Variants in PCDHGA7 observed in about 807,000 individuals in gnomAD.
PCDHGA7 encodes protocadherin gamma-A7.
PCDHGA7 carries 44 observed loss-of-function variants against 58.3 expected under a neutral mutation model. That is an observed-to-expected ratio of 0.75 (90% CI 0.59 to 0.97). The LOEUF is 0.97. Ranked by LOEUF, PCDHGA7 falls within the 50% of genes least tolerant of loss-of-function variation. The probability of loss-of-function intolerance (pLI) is 0.00; values close to 1 mark genes in which losing one functional copy is unlikely to be tolerated. For missense variants in PCDHGA7, 1,266 were observed against 1,188.7 expected (o/e 1.06, Z -0.96); for synonymous variants, 516 against 504.2 (o/e 1.02, Z -0.31).
At chr5:141,422,020 G>A (rs374562798) in intron 1 of PCDHGA7, 2 of 1,610,932 alleles carry the variant, frequency 1.2e-6, no homozygotes, top group Non-Finnish European at 1.7e-6. Flanking sequence ...GGTGCTGATG[G>A]TTAATGCAAC....
At position 141,397,489 on chromosome 5, in the gene PCDHGA7, A is replaced by G. The variant is rs568778994; in HGVS notation, c.2424+12166A>G. 3.3e-5 allele frequency among the ~76,000 whole-genome samples: 5 copies of G among 152,372 alleles called. No homozygotes were observed. In the East Asian group the frequency reaches 9.6e-4, roughly 29 times the overall value. ...GGAGTTGGAAATCATAGAAATGAAC[A>G]GAAGAATGATAAAATTGTTTCCATA... On this transcript the variant is annotated intron_variant, in intron 1 of 3. Coordinates refer to ENST00000518325, the MANE Select transcript of PCDHGA7 (RefSeq NM_018920.4).
chr5:141,474,412 C>T (rs1282336092), intron 1 of PCDHGA7, among the ~76,000 whole-genome samples: 2 of 152,220 alleles, frequency 1.3e-5, no homozygotes, highest in African/African-American at 2.4e-5. Context: ...CCGGTGATGC[C>T]TAGACCATTG....
At chr5:141,416,929 C>T (rs1184470714) in intron 1 of PCDHGA7, 1 of 151,960 alleles carries the variant, frequency 6.6e-6, no homozygotes. Flanking sequence ...TAGTTATTAA[C>T]TATTAAACCA....
rs909444391 is a variant in PCDHGA7 at position 141,450,834 on chromosome 5, T to A, written c.2425-43973T>A. On this transcript the variant is annotated intron_variant, in intron 1 of 3. Transcript: ENST00000518325. ...TATTTAATATTATTATTATTATTTT[T>A]TTTTTTTTGAGATGGGGTCTTGCTC... is the stretch of plus-strand genomic sequence containing the variant. 1.2e-3 allele frequency among the ~76,000 whole-genome samples: 172 copies of A among 148,764 alleles called. 3 individuals are homozygous for A. The highest frequency in any genetic ancestry group is 4.1e-3 in the African/African-American group (166 of 40,236).
rs776773140 is a variant in PCDHGA7, at chr5:141,476,589, G to T, written c.2425-18218G>T. The T allele has an allele frequency of 6.2e-7, 1 of 1,614,246 alleles. No individual in the cohort carries two copies. Among genetic ancestry groups the T allele is most frequent in the South Asian group, 1.1e-5 (1 of 91,090 alleles). On this transcript the variant is annotated intron_variant, in intron 1 of 3. Coordinates refer to ENST00000518325, the MANE Select transcript of PCDHGA7 (RefSeq NM_018920.4). This position sits in a 1 kb window ranked among gnomAD's most constrained non-coding sequence, Gnocchi z 7.6. ...CCGGGGACGCGCTTTCCGCTCGAGA[G>T]CGCGCACGATCCCGATGTGGGAAGC...
At chr5:141,405,049 C>A in intron 1 of PCDHGA7, 2 of 1,613,936 alleles carry the variant, frequency 1.2e-6, no homozygotes, top group South Asian at 2.2e-5. Flanking sequence ...CTGTGGCAGT[C>A]GTCTCCTGTG....
In PCDHGA7 at chr5:141,394,778, C is replaced by T. The variant is rs377451053; in HGVS notation, c.2424+9455C>T. ...AGGACCATGGCCAGCCCCCTCTCTC[C>T]GCCACTGTCACGCTCACCGTAGCCG... On this transcript the variant is annotated intron_variant, in intron 1 of 3. Transcript: ENST00000518325. 8 of 1,613,514 alleles carry T rather than the reference C, an allele frequency of 5.0e-6. No individual in the cohort carries two copies. In the South Asian group the frequency reaches 7.7e-5, roughly 15 times the overall value.
At chr5:141,419,354 C>T in intron 1 of PCDHGA7, 3 of 1,613,828 alleles carry the variant, frequency 1.9e-6, no homozygotes, top group Non-Finnish European at 1.7e-6. Flanking sequence ...CCTGGAGTCA[C>T]GAACGCTGTC....
intron 1 of PCDHGA7, chr5:141,403,280 G>GT: frequency 6.2e-7 from 1 of 1,613,894 alleles, no homozygotes; most frequent in Non-Finnish European, 8.5e-7. Flanking sequence ...TAAAGTCCTG[G>GT]TTGAAGACAG....
At chr5:141,397,725 C>T (rs1292048088) in intron 1 of PCDHGA7, among the ~76,000 whole-genome samples, 1 of 152,180 alleles carries the variant, frequency 6.6e-6, no homozygotes, top group Non-Finnish European at 1.5e-5. Flanking sequence ...ATTTGGAAAA[C>T]AGAGAAAGAT....
At chr5:141,417,943 G>A (rs772925118) in intron 1 of PCDHGA7, 2 of 1,613,194 alleles carry the variant, frequency 1.2e-6, no homozygotes, top group Admixed American at 1.7e-5. Flanking sequence ...TCTACCCCAC[G>A]CTGTGTGAGC....
chr5:141,391,523 A>T (rs2092383458), intron 1 of PCDHGA7: 1 of 152,140 alleles, frequency 6.6e-6, no homozygotes, highest in Non-Finnish European at 1.5e-5. Context: ...CACTAATTTA[A>T]CTGGTATGGT....
chr5:141,403,856 T>A, intron 1 of PCDHGA7: 1 of 1,613,604 alleles, frequency 6.2e-7, no homozygotes, highest in Non-Finnish European at 8.5e-7. Context: ...TGGGGAAATA[T>A]CAACAGCAAA....
intron 1 of PCDHGA7, among the ~76,000 whole-genome samples, chr5:141,435,783 G>A (rs1273339025): frequency 6.6e-6 from 1 of 152,124 alleles, no homozygotes; most frequent in Non-Finnish European, 1.5e-5. Context: ...TAAAGGTGCA[G>A]GGAAACATAA....
chr5:141,420,968 T>A (rs1031890748), intron 1 of PCDHGA7: 1 of 441,548 alleles, frequency 2.3e-6, no homozygotes, highest in Non-Finnish European at 4.0e-6. Context: ...GTTGCAATAA[T>A]AAGAATGGGC....
intron 2 of PCDHGA7, 143 bp from the exon 3 acceptor site, chr5:141,505,250 T>C: frequency 2.8e-6 from 4 of 1,439,476 alleles, no homozygotes; most frequent in Non-Finnish European, 9.3e-7. Flanking sequence ...ATTGTAGAAG[T>C]GCCTCCTACC....
At chr5:141,427,869 A>G in intron 1 of PCDHGA7, 3 of 1,559,604 alleles carry the variant, frequency 1.9e-6, no homozygotes, top group Non-Finnish European at 2.6e-6. Flanking sequence ...CTTCGAGCTC[A>G]CGATGCAGGC....
intron 1 of PCDHGA7, chr5:141,395,537 ATTGT>A (rs1179408656): frequency 3.7e-5 from 9 of 243,938 alleles, no homozygotes; most frequent in Admixed American, 8.6e-5. Context: ...TAATTTTGCT[ATTGT>A]TTGTGTGTGT....
At position 141,448,695 on chromosome 5, in the gene PCDHGA7, C is replaced by T. The variant is rs535473305; in HGVS notation, c.2425-46112C>T. 2.7e-4 allele frequency among the ~76,000 whole-genome samples: 41 copies of T among 152,246 alleles called. No homozygotes were observed. In the South Asian group the frequency reaches 8.5e-3, roughly 32 times the overall value. On this transcript the variant is annotated intron_variant, in intron 1 of 3. Coordinates refer to ENST00000518325, the MANE Select transcript of PCDHGA7 (RefSeq NM_018920.4). Reference sequence around the variant, plus strand: ...GTGGCTCACGCCTGTAATCGCAGCACTTTGGGAGGCCGAGGCGGGAGGATC... The same window carrying T: ...GTGGCTCACGCCTGTAATCGCAGCATTTTGGGAGGCCGAGGCGGGAGGATC...
Sources: gnomAD v4.1 joint callset for allele counts (sites outside exome capture counted in the v4.1 genomes callset) on GRCh38, gnomAD v4.1.1 for gene constraint, Gnocchi (gnomAD v3.1) non-coding constraint, MANE v1.5 for transcripts, NCBI Gene and HGNC (gene_info 2026-07-23, HGNC 2026-07-21) for gene names.